The following SVOP variants were observed in gnomAD, a reference collection of about 807,000 sequenced individuals.
SVOP encodes SV2 related protein.
SVOP carries 17 observed loss-of-function variants against 69.1 expected under a neutral mutation model. The observed-to-expected ratio is 0.25, with a 90% CI of 0.17 to 0.37. The LOEUF (loss-of-function observed/expected upper bound fraction) is 0.37. Among genes scored for constraint, SVOP ranks in the 10% least tolerant of loss-of-function variants. The pLI, the probability that SVOP is intolerant of heterozygous loss-of-function variation, is 1.00. For synonymous variants in SVOP, 238 were observed against 238.6 expected (o/e 1.00, Z 0.02); for missense variants, 435 against 597.5 (o/e 0.73, Z 2.84).
intron 6 of SVOP, among the ~76,000 whole-genome samples, chr12:108,946,690 T>TTTTTTA (rs1555249973): frequency 2.6e-4 from 36 of 136,522 alleles, no homozygotes; most frequent in South Asian, 4.8e-4. Context: ...GCAACCTGTT[T>TTTTTTA]TTATTATTAT....
intron 2 of SVOP, among the ~76,000 whole-genome samples, chr12:108,980,897 C>T (rs1374149867): frequency 2.0e-5 from 3 of 152,300 alleles, no homozygotes; most frequent in Admixed American, 1.3e-4. Flanking sequence ...TGCACTCCAG[C>T]CTGGGTGACA....
intron 6 of SVOP, among the ~76,000 whole-genome samples, chr12:108,953,908 T>A (rs897917013): frequency 2.2e-4 from 33 of 152,024 alleles, no homozygotes; most frequent in African/African-American, 8.0e-4. Context: ...GGTCAGGAGT[T>A]CGAGACCAGC....
intron 7 of SVOP, among the ~76,000 whole-genome samples, chr12:108,941,167 A>T (rs2039889257): frequency 6.6e-6 from 1 of 152,162 alleles, no homozygotes; most frequent in East Asian, 1.9e-4. Flanking sequence ...AGCTTTGGTT[A>T]AGGAGATCAA....
intron 6 of SVOP, among the ~76,000 whole-genome samples, chr12:108,947,411 CTG>C (rs1040861899): frequency 2.6e-5 from 4 of 152,236 alleles, no homozygotes; most frequent in African/African-American, 9.6e-5. Flanking sequence ...CTATATCTAT[CTG>C]TGTATATTTA....
At chr12:108,997,224 C>T (rs999882039) in intron 1 of SVOP, among the ~76,000 whole-genome samples, 38 of 152,230 alleles carry the variant, frequency 2.5e-4, no homozygotes, top group African/African-American at 8.9e-4. Flanking sequence ...AATCGGGTCA[C>T]TCCCACCCGA....
intron 1 of SVOP, among the ~76,000 whole-genome samples, chr12:108,991,492 G>A (rs1243693354): frequency 6.6e-6 from 1 of 152,016 alleles, no homozygotes; most frequent in Non-Finnish European, 1.5e-5. Flanking sequence ...ATCTTGCTAG[G>A]TCACCAAGGC....
intron 11 of SVOP, among the ~76,000 whole-genome samples, chr12:108,925,471 C>T (rs1000570080): frequency 6.6e-6 from 1 of 152,218 alleles, no homozygotes; most frequent in Admixed American, 6.5e-5. Context: ...CCTCTCCACC[C>T]AGCCATGGTC....
intron 7 of SVOP, among the ~76,000 whole-genome samples, chr12:108,941,889 T>C (rs943744441): frequency 2.0e-5 from 3 of 151,948 alleles, no homozygotes; most frequent in Non-Finnish European, 2.9e-5. Context: ...GGTCTTGAAC[T>C]CCTGACCTCA....
chr12:108,982,818 CCA>C (rs1593198975), intron 2 of SVOP, among the ~76,000 whole-genome samples: 10 of 122,738 alleles, frequency 8.1e-5, no homozygotes, highest in African/African-American at 2.0e-4. Context: ...ATCATCATCA[CCA>C]TCATCATCAC....
At chr12:108,991,005 C>T (rs1240361139) in intron 1 of SVOP, among the ~76,000 whole-genome samples, 1 of 152,244 alleles carries the variant, frequency 6.6e-6, no homozygotes, top group Non-Finnish European at 1.5e-5. Flanking sequence ...TCCCCCTGCC[C>T]TCAACCCCAT....
intron 14 of SVOP, among the ~76,000 whole-genome samples, chr12:108,917,139 C>T (rs1345211779): frequency 6.6e-6 from 1 of 152,176 alleles, no homozygotes; most frequent in Non-Finnish European, 1.5e-5. Context: ...TTAACAAATG[C>T]AATGCTCAGT....
At chr12:108,939,317 T>G (rs539771065) in intron 8 of SVOP, among the ~76,000 whole-genome samples, 1 of 152,286 alleles carries the variant, frequency 6.6e-6, no homozygotes, top group South Asian at 2.1e-4. Flanking sequence ...TTTGGGGCTG[T>G]TTTCAGAGTT....
intron 1 of SVOP, among the ~76,000 whole-genome samples, chr12:109,007,608 C>G (rs1816524341): frequency 6.6e-6 from 1 of 152,226 alleles, no homozygotes; most frequent in African/African-American, 2.4e-5. Context: ...GCAACAGAGG[C>G]AGGTGTCCCT....
chr12:108,989,484 C>T (rs914806584), intron 1 of SVOP, among the ~76,000 whole-genome samples: 1 of 152,176 alleles, frequency 6.6e-6, no homozygotes, highest in Non-Finnish European at 1.5e-5. Context: ...GAAGTCTAGC[C>T]TCAGCCTGAC....
chr12:108,910,337 T>C lies in SVOP; in HGVS notation c.*2198A>G, dbSNP rs2137380640. ...CCCCTTTACCCTAGTCTCTGGGAAA[T>C]ATTCCTGCCCACCAAGCACTCTATC... On this transcript the variant is annotated 3_prime_UTR_variant, in exon 16 of 16. Transcript: ENST00000610966. The C allele has an allele frequency of 6.6e-6, 1 of 152,276 alleles. No individual in the cohort carries two copies. The highest frequency in any genetic ancestry group is 2.1e-4 in the South Asian group (1 of 4,826). The allele number at this position is 152,276 out of a possible 1,614,324, so 9.4% of individuals were successfully genotyped here.
chr12:109,004,957 C>G (rs556276233), intron 1 of SVOP, among the ~76,000 whole-genome samples: 39 of 152,144 alleles, frequency 2.6e-4, no homozygotes, highest in Admixed American at 2.2e-3. Flanking sequence ...AGGCTGGTCT[C>G]GAACTCCTGA....
chr12:108,977,589 G>A (rs1192593820), intron 3 of SVOP, 93 bp from the exon 4 acceptor site: 1 of 792,372 alleles, frequency 1.3e-6, no homozygotes, highest in Non-Finnish European at 2.1e-6. Flanking sequence ...AGAGACTGTA[G>A]CACACCCCTC....
At chr12:109,001,042 T>C (rs2040265817) in intron 1 of SVOP, among the ~76,000 whole-genome samples, 1 of 151,934 alleles carries the variant, frequency 6.6e-6, no homozygotes, top group Non-Finnish European at 1.5e-5. Flanking sequence ...GCAGACGACA[T>C]GATTGCATAT....
chr12:108,985,919 G>T (rs1466365316), intron 1 of SVOP, among the ~76,000 whole-genome samples: 1 of 152,216 alleles, frequency 6.6e-6, no homozygotes, highest in African/African-American at 2.4e-5. Flanking sequence ...AACATAACCT[G>T]CTTGTGAAGT....
Sources: allele counts gnomAD v4.1 joint callset (sites outside exome capture counted in the v4.1 genomes callset), GRCh38; gene constraint gnomAD v4.1.1; transcripts MANE v1.5; gene names NCBI Gene and HGNC (gene_info 2026-07-23, HGNC 2026-07-21).